PCDH11X: variants seen among roughly 807,000 people sequenced by gnomAD.
PCDH11X encodes the protein protocadherin-11 X-linked.
In PCDH11X, 18 loss-of-function variants were observed where a neutral mutation model predicts 53.3. That is an observed-to-expected ratio of 0.34 (90% CI 0.23 to 0.50). The LOEUF is 0.50. Among genes scored for constraint, PCDH11X ranks in the 20% least tolerant of loss-of-function variants. The pLI is 0.98. For synonymous variants in PCDH11X, 279 were observed against 393.3 expected, an observed-to-expected ratio of 0.71 and a Z score of 3.44; for missense variants, 570 against 1,032.4, an observed-to-expected ratio of 0.55 and a Z score of 6.14.
chrX:91,966,486 C>T (rs1246190430), intron 6 of PCDH11X, among the ~76,000 whole-genome samples: 50 of 104,327 alleles, frequency 4.8e-4, no homozygotes, highest in African/African-American at 1.6e-3. Flanking sequence ...CATCACACAC[C>T]GGGACCTGTC....
At chrX:92,263,691 G>A (rs2067766313) in intron 8 of PCDH11X, among the ~76,000 whole-genome samples, 1 of 111,759 alleles carries the variant, frequency 8.9e-6, no homozygotes, top group Non-Finnish European at 1.9e-5. Context: ...TGTGGTTTTT[G>A]CCATTAAAAG....
chrX:92,537,950 A>G (rs190856823), intron 10 of PCDH11X, among the ~76,000 whole-genome samples: 1,812 of 103,984 alleles, frequency 0.017, 52 homozygotes, highest in African/African-American at 0.06. Flanking sequence ...AACAAAGGTA[A>G]TTTGAATTCT....
chrX:92,019,955 A>C (rs1231312276), intron 6 of PCDH11X, among the ~76,000 whole-genome samples: 1 of 111,861 alleles, frequency 8.9e-6, no homozygotes, highest in East Asian at 2.9e-4. Flanking sequence ...GGCCCACCCA[A>C]GAGCCACATG....
chrX:92,136,635 A>G (rs2148208073), intron 6 of PCDH11X, among the ~76,000 whole-genome samples: 1 of 102,744 alleles, frequency 9.7e-6, no homozygotes, highest in Non-Finnish European at 2.0e-5. Flanking sequence ...GTTGTTGCAA[A>G]AGACATGATG....
chrX:92,267,241 G>A (rs1386213019), intron 8 of PCDH11X, among the ~76,000 whole-genome samples: 2 of 111,298 alleles, frequency 1.8e-5, no homozygotes, highest in African/African-American at 3.3e-5. Context: ...AGACTAAATT[G>A]CCCTTAGGGT....
chrX:92,105,106 A>T (rs2064348571), intron 6 of PCDH11X, among the ~76,000 whole-genome samples: 1 of 111,810 alleles, frequency 8.9e-6, no homozygotes, highest in Non-Finnish European at 1.9e-5. Context: ...CTGCCTTCCC[A>T]GTCCGTGACC....
At chrX:92,596,275 A>C (rs201273168) in intron 10 of PCDH11X, among the ~76,000 whole-genome samples, 1 of 111,756 alleles carries the variant, frequency 8.9e-6, no homozygotes, top group African/African-American at 3.3e-5. Context: ...ACCTCCCCCA[A>C]TTGTACCACC....
chrX:91,818,370 A>T (rs1018032963), intron 4 of PCDH11X, among the ~76,000 whole-genome samples: 5 of 106,842 alleles, frequency 4.7e-5, no homozygotes, highest in Admixed American at 1.0e-4. Context: ...TGCATGAAGA[A>T]TTTTTTTTTT....
At chrX:92,385,344 T>C (rs1343104775) in intron 8 of PCDH11X, among the ~76,000 whole-genome samples, 1 of 103,370 alleles carries the variant, frequency 9.7e-6, no homozygotes, top group Non-Finnish European at 2.0e-5. Flanking sequence ...TTTCCTCTTT[T>C]CACTGTGGGT....
intron 6 of PCDH11X, among the ~76,000 whole-genome samples, chrX:91,997,566 T>A (rs1044009739): frequency 1.6e-4 from 18 of 111,950 alleles, no homozygotes; most frequent in African/African-American, 5.2e-4. Context: ...CAGAAATAAA[T>A]CCCACTTGAT....
chrX:92,504,933 G>A (rs1257112608), intron 10 of PCDH11X, among the ~76,000 whole-genome samples: 24 of 110,284 alleles, frequency 2.2e-4, no homozygotes, highest in Non-Finnish European at 3.6e-4. Flanking sequence ...GACTTATTTT[G>A]AAAAGTATCT....
At chrX:92,129,540 C>CA (rs2064934001) in intron 6 of PCDH11X, among the ~76,000 whole-genome samples, 1 of 112,240 alleles carries the variant, frequency 8.9e-6, no homozygotes, top group African/African-American at 3.2e-5. Flanking sequence ...AGGGAGACTT[C>CA]ATGAGGAAAT....
intron 6 of PCDH11X, among the ~76,000 whole-genome samples, chrX:91,987,159 A>G (rs913053890): frequency 1.8e-5 from 2 of 111,899 alleles, no homozygotes; most frequent in African/African-American, 6.5e-5. Flanking sequence ...ATCTCAAGTG[A>G]CTGCAATCTC....
At chrX:92,451,567 T>C (rs2148647244) in intron 9 of PCDH11X, among the ~76,000 whole-genome samples, 1 of 111,308 alleles carries the variant, frequency 9.0e-6, no homozygotes, top group East Asian at 2.8e-4. Flanking sequence ...GTTTTATCTT[T>C]GAGTCTACCG....
intron 8 of PCDH11X, among the ~76,000 whole-genome samples, chrX:92,329,869 G>A (rs1438830327): frequency 2.7e-5 from 3 of 111,264 alleles, no homozygotes; most frequent in Non-Finnish European, 5.7e-5. Flanking sequence ...TGGTTAATGG[G>A]TACACAAATA....
At chrX:92,202,092 T>A (rs981144782) in intron 7 of PCDH11X, among the ~76,000 whole-genome samples, 1 of 111,498 alleles carries the variant, frequency 9.0e-6, no homozygotes, top group Non-Finnish European at 1.9e-5. Flanking sequence ...AAGTACCCTG[T>A]TTGACCCTTG....
chrX:92,310,930 G>A, intron 8 of PCDH11X, among the ~76,000 whole-genome samples: 1 of 111,848 alleles, frequency 8.9e-6, no homozygotes, highest in Non-Finnish European at 1.9e-5. Context: ...TGAGCAGTTT[G>A]ATATATAATA....
Position 91,796,345 on chromosome X carries a change from A to T in PCDH11X, c.-378-13121A>T, listed in dbSNP as rs141320632. Among the ~76,000 whole-genome samples, 679 of 111,635 alleles carry T rather than the reference A, an allele frequency of 6.1e-3. 3 individuals are homozygous for T. Among genetic ancestry groups the T allele is most frequent in the African/African-American group, 0.021 (637 of 30,809 alleles). ...ATTTTTAGAGTAAATTCTTTTAAGA[A>T]ATAATTTGAACGTCTTTAATTTTCA... On this transcript the variant is annotated intron_variant, in intron 1 of 10. Coordinates refer to ENST00000682573, the MANE Select transcript of PCDH11X (RefSeq NM_032968.5).
chrX:92,448,832 A>G (rs776110568), intron 9 of PCDH11X, among the ~76,000 whole-genome samples: 4 of 111,431 alleles, frequency 3.6e-5, no homozygotes, highest in African/African-American at 1.3e-4. Flanking sequence ...GTAACTTCTT[A>G]TAGCCGAAAT....
Sources: gnomAD v4.1 joint callset for allele counts (sites outside exome capture counted in the v4.1 genomes callset) on GRCh38, gnomAD v4.1.1 for gene constraint, MANE v1.5 for transcripts, NCBI Gene and HGNC (gene_info 2026-07-23, HGNC 2026-07-21) for gene names.